The following SPIDR variants were observed in gnomAD, a reference collection of about 807,000 sequenced individuals.
SPIDR encodes the protein scaffold protein involved in DNA repair, also known as DNA repair-scaffolding protein.
Under a neutral mutation model 104.6 loss-of-function variants are expected in SPIDR, and 93 were observed. The observed-to-expected ratio is 0.89, with a 90% CI of 0.75 to 1.06. The LOEUF (loss-of-function observed/expected upper bound fraction) is 1.06. Among genes scored for constraint, SPIDR ranks in the 50% least tolerant of loss-of-function variants. The pLI is 0.00. For missense variants in SPIDR, 1,154 were observed against 1,111.2 expected, an observed-to-expected ratio of 1.04 and a Z score of -0.55; for synonymous variants, 431 against 416.9, an observed-to-expected ratio of 1.03 and a Z score of -0.41.
intron 8 of SPIDR, among the ~76,000 whole-genome samples, chr8:47,559,088 A>G (rs1311011520): frequency 2.0e-5 from 3 of 152,188 alleles, no homozygotes; most frequent in Admixed American, 6.5e-5. Context: ...GTCTTCGAAG[A>G]ATGTTTGCTC....
chr8:47,407,049 A>G (rs2062853846), intron 6 of SPIDR, among the ~76,000 whole-genome samples: 1 of 152,208 alleles, frequency 6.6e-6, no homozygotes, highest in Admixed American at 6.5e-5. Flanking sequence ...AATTATAGTT[A>G]TGTTAGTAGT....
chr8:47,343,911 A>C (rs2051298523), intron 5 of SPIDR, among the ~76,000 whole-genome samples: 1 of 151,882 alleles, frequency 6.6e-6, no homozygotes, highest in Admixed American at 6.6e-5. Flanking sequence ...TTACGTATTT[A>C]ATCTTCTGTG....
intron 1 of SPIDR, among the ~76,000 whole-genome samples, chr8:47,277,313 T>TTGTTA (rs75609635): frequency 0.02 from 2,899 of 141,996 alleles, 37 homozygotes; most frequent in East Asian, 0.039. Flanking sequence ...TATGTTATGT[T>TTGTTA]TGTTATGTTA....
intron 5 of SPIDR, among the ~76,000 whole-genome samples, chr8:47,338,667 TAA>T (rs1249081684): frequency 6.6e-6 from 1 of 152,226 alleles, no homozygotes; most frequent in African/African-American, 2.4e-5. Context: ...AATAAATACT[TAA>T]GAGTATCTAT....
At chr8:47,485,487 A>C (rs1554730421) in intron 8 of SPIDR, among the ~76,000 whole-genome samples, 1 of 152,218 alleles carries the variant, frequency 6.6e-6, no homozygotes. Flanking sequence ...TCCCTGTCTG[A>C]CAGCTTCGAG....
intron 8 of SPIDR, among the ~76,000 whole-genome samples, chr8:47,493,458 A>G (rs2079031588): frequency 6.6e-6 from 1 of 152,104 alleles, no homozygotes; most frequent in African/African-American, 2.4e-5. Flanking sequence ...ATGTCTTTCA[A>G]GTATTGTGCT....
At chr8:47,686,307 G>C (rs536018426) in intron 11 of SPIDR, among the ~76,000 whole-genome samples, 9 of 152,256 alleles carry the variant, frequency 5.9e-5, no homozygotes, top group Admixed American at 3.3e-4. Flanking sequence ...GAATAGAAAT[G>C]TTCCTGTATT....
At chr8:47,326,286 A>T (rs1403770855) in intron 5 of SPIDR, among the ~76,000 whole-genome samples, 1 of 152,168 alleles carries the variant, frequency 6.6e-6, no homozygotes, top group Non-Finnish European at 1.5e-5. Context: ...AAGTGCTGGG[A>T]TTTCAGGCAT....
intron 8 of SPIDR, among the ~76,000 whole-genome samples, chr8:47,449,184 G>A (rs1554704098): frequency 6.6e-6 from 1 of 152,162 alleles, no homozygotes; most frequent in East Asian, 1.9e-4. Flanking sequence ...TGGGTTTGAT[G>A]TGGTATTTAA....
intron 8 of SPIDR, among the ~76,000 whole-genome samples, chr8:47,515,864 G>A (rs189261158): frequency 0.011 from 1,669 of 152,294 alleles, 13 homozygotes; most frequent in Non-Finnish European, 0.019. Context: ...AGGCTGGAGT[G>A]CAGTGGTGTG....
At chr8:47,526,312 T>G (rs763922565) in intron 8 of SPIDR, among the ~76,000 whole-genome samples, 1 of 152,228 alleles carries the variant, frequency 6.6e-6, no homozygotes, top group Non-Finnish European at 1.5e-5. Flanking sequence ...TAGAGCCAGA[T>G]TAAACATCAA....
In SPIDR at chr8:47,673,484, C is replaced by T. The variant is rs1267849843; in HGVS notation, c.1545-317C>T. ...GTATTTGGTTTAAGAGAATGGTCAT[C>T]TTGAGGTACTTTTCAGCCATATTTG... On this transcript the variant is annotated intron_variant, in intron 10 of 19. Transcript: ENST00000297423. 4 of 483,126 alleles carry T rather than the reference C, an allele frequency of 8.3e-6. No individual in the cohort carries two copies. In the Admixed American group the frequency reaches 9.2e-5, roughly 11 times the overall value. 29.9% of individuals were successfully genotyped at this position (483,126 alleles called of 1,614,324 possible).
At chr8:47,675,780 T>C (rs1204683224) in intron 11 of SPIDR, among the ~76,000 whole-genome samples, 1 of 152,244 alleles carries the variant, frequency 6.6e-6, no homozygotes, top group East Asian at 1.9e-4. Flanking sequence ...ACCACTGCAC[T>C]CCAGCCTGGG....
chr8:47,635,720 C>T (rs1424636285), intron 10 of SPIDR, among the ~76,000 whole-genome samples: 1 of 151,906 alleles, frequency 6.6e-6, no homozygotes, highest in Non-Finnish European at 1.5e-5. Flanking sequence ...TAGCAAGACC[C>T]TGTCTCTAAA....
chr8:47,489,420 A>G (rs1194809713), intron 8 of SPIDR, among the ~76,000 whole-genome samples: 1 of 152,228 alleles, frequency 6.6e-6, no homozygotes, highest in East Asian at 1.9e-4. Flanking sequence ...GAAAATGGCC[A>G]TACTGCCCAA....
At chr8:47,350,735 G>A (rs1232868487) in intron 5 of SPIDR, among the ~76,000 whole-genome samples, 4 of 152,152 alleles carry the variant, frequency 2.6e-5, no homozygotes, top group Admixed American at 6.5e-5. Context: ...AAGAATGGCT[G>A]GCTTAAATGA....
In SPIDR at chr8:47,679,810, G is replaced by A. The variant is rs151220040; in HGVS notation, c.1685+5869G>A. ...CATATTTCACAGTTGCCTGCTGGTT[G>A]GTAGGCTCCCTCAGGGCAGGTGCTG... On this transcript the variant is annotated intron_variant, in intron 11 of 19. Transcript: ENST00000297423. Among the ~76,000 whole-genome samples the A allele has an allele frequency of 3.9e-4, 59 of 152,368 alleles. No homozygotes were observed. The East Asian group carries it at 9.2e-3, about 24-fold the overall frequency.
intron 9 of SPIDR, among the ~76,000 whole-genome samples, chr8:47,597,976 T>C (rs2061815885): frequency 6.6e-6 from 1 of 152,192 alleles, no homozygotes; most frequent in Admixed American, 6.5e-5. Context: ...GTAGACAAAC[T>C]TTCAGCCTCT....
chr8:47,652,203 T>A (rs1013795652), intron 10 of SPIDR, among the ~76,000 whole-genome samples: 6 of 152,206 alleles, frequency 3.9e-5, no homozygotes, highest in Admixed American at 3.9e-4. Flanking sequence ...AATGGAAATG[T>A]GAGGCCCACA....
Sources: gnomAD v4.1 joint callset for allele counts (sites outside exome capture counted in the v4.1 genomes callset) on GRCh38, gnomAD v4.1.1 for gene constraint, MANE v1.5 for transcripts, NCBI Gene and HGNC (gene_info 2026-07-23, HGNC 2026-07-21) for gene names.